The following ITFG1 variants were observed in gnomAD, a reference collection of about 807,000 sequenced individuals.
The protein encoded by ITFG1 is T-cell immunomodulatory protein.
Under a neutral mutation model 81.8 loss-of-function variants are expected in ITFG1, and 34 were observed. The ratio of observed to expected loss-of-function variants is 0.42; its 90% confidence interval spans 0.32 to 0.55. The LOEUF (loss-of-function observed/expected upper bound fraction) is 0.55. Ranked by LOEUF, ITFG1 falls within the 20% of genes least tolerant of loss-of-function variation. ITFG1 has a pLI of 0.17. For missense variants in ITFG1, 672 were observed against 755.4 expected (o/e 0.89, Z 1.29); for synonymous variants, 285 against 270.6 (o/e 1.05, Z -0.52).
At chr16:47,290,010 T>C (rs189866462) in intron 10 of ITFG1, among the ~76,000 whole-genome samples, 1 of 152,292 alleles carries the variant, frequency 6.6e-6, no homozygotes, top group East Asian at 1.9e-4. Flanking sequence ...GGTTTCGGTA[T>C]GCTGTTTTCC....
chr16:47,362,802 T>G (rs2151585813), intron 8 of ITFG1, among the ~76,000 whole-genome samples: 1 of 152,334 alleles, frequency 6.6e-6, no homozygotes, highest in South Asian at 2.1e-4. Context: ...TCTTATATTG[T>G]GGCAGTTACT....
At chr16:47,383,794 C>T (rs1240113259) in intron 6 of ITFG1, among the ~76,000 whole-genome samples, 1 of 152,206 alleles carries the variant, frequency 6.6e-6, no homozygotes, top group African/African-American at 2.4e-5. Flanking sequence ...ATCCCAGCTA[C>T]TCAGGAGGCT....
At chr16:47,332,756 C>T (rs1967652432) in intron 8 of ITFG1, among the ~76,000 whole-genome samples, 1 of 152,112 alleles carries the variant, frequency 6.6e-6, no homozygotes, top group Non-Finnish European at 1.5e-5. Context: ...GTCCTTCAAC[C>T]CATGCAAGCT....
intron 10 of ITFG1, among the ~76,000 whole-genome samples, chr16:47,310,368 C>T (rs1366854099): frequency 6.6e-6 from 1 of 151,804 alleles, no homozygotes; most frequent in Non-Finnish European, 1.5e-5. Context: ...CTAGCGTCAA[C>T]AAATAAATTA....
At chr16:47,399,489 T>C (rs1596957772) in intron 6 of ITFG1, among the ~76,000 whole-genome samples, 1 of 151,614 alleles carries the variant, frequency 6.6e-6, no homozygotes, top group South Asian at 2.1e-4. Context: ...AGGAGAATGG[T>C]GTGAACCCGG....
At chr16:47,214,494 T>C (rs1398190228) in intron 14 of ITFG1, among the ~76,000 whole-genome samples, 2 of 152,174 alleles carry the variant, frequency 1.3e-5, no homozygotes, top group South Asian at 2.1e-4. Context: ...TAAGTTCTTA[T>C]CAAATATTGT....
At chr16:47,449,964 C>G (rs1329481605) in intron 5 of ITFG1, 1 of 152,116 alleles carries the variant, frequency 6.6e-6, no homozygotes, top group Non-Finnish European at 1.5e-5. Flanking sequence ...AAAGATATTC[C>G]AATTATTTCC....
chr16:47,400,116 G>A (rs1056898736), intron 6 of ITFG1, among the ~76,000 whole-genome samples: 1 of 152,144 alleles, frequency 6.6e-6, no homozygotes, highest in Admixed American at 6.5e-5. Flanking sequence ...GGTAGAATCA[G>A]GATTGGCATC....
intron 12 of ITFG1, among the ~76,000 whole-genome samples, chr16:47,242,752 G>C (rs910178270): frequency 2.6e-5 from 4 of 152,106 alleles, no homozygotes; most frequent in African/African-American, 9.7e-5. Context: ...CAATTTCTGT[G>C]AAGGGACATC....
intron 4 of ITFG1, among the ~76,000 whole-genome samples, chr16:47,452,295 C>G (rs1969399305): frequency 1.3e-5 from 2 of 152,006 alleles, no homozygotes; most frequent in African/African-American, 4.8e-5. Context: ...TTATTTAAAT[C>G]AATTATGCTG....
chr16:47,312,026 GC>G (rs1223375745), intron 9 of ITFG1: 1 of 152,112 alleles, frequency 6.6e-6, no homozygotes, highest in African/African-American at 2.4e-5. Context: ...CACTAAAACG[GC>G]CGGAAGCTAC....
intron 5 of ITFG1, among the ~76,000 whole-genome samples, chr16:47,429,155 C>T (rs193296820): frequency 5.3e-5 from 8 of 152,256 alleles, no homozygotes; most frequent in Admixed American, 4.6e-4. Context: ...TATTGGCAAC[C>T]ACAAATCTGC....
At chr16:47,285,649 T>TTG (rs1186524936) in intron 10 of ITFG1, among the ~76,000 whole-genome samples, 1 of 152,096 alleles carries the variant, frequency 6.6e-6, no homozygotes, top group Non-Finnish European at 1.5e-5. Context: ...GTCTGCTGCT[T>TTG]TGTGTGTGGG....
At chr16:47,279,740 T>C (rs867119627) in intron 10 of ITFG1, among the ~76,000 whole-genome samples, 3 of 152,324 alleles carry the variant, frequency 2.0e-5, no homozygotes, top group African/African-American at 7.2e-5. Flanking sequence ...TTTTTGGATG[T>C]TGAGTCTTCC....
rs370340331 is a variant in ITFG1 at position 47,285,560 on chromosome 16, G to C, written c.1071-24865C>G. On this transcript the variant is annotated intron_variant, in intron 10 of 17. Coordinates refer to ENST00000320640, the MANE Select transcript of ITFG1 (RefSeq NM_030790.5). The stretch of plus-strand genomic sequence containing the variant: ...CTAGTGTGTATGTGGCAGTGGTCTT[G>C]GGGATTGAGCCCTTAACCTGTTGGA... Among the ~76,000 whole-genome samples the C allele has an allele frequency of 5.3e-5, 8 of 152,244 alleles. No individual in the cohort carries two copies. The East Asian group carries it at 1.5e-3, about 29-fold the overall frequency.
chr16:47,406,230 G>C (rs1341225804), intron 6 of ITFG1, among the ~76,000 whole-genome samples: 4 of 152,296 alleles, frequency 2.6e-5, no homozygotes, highest in Admixed American at 2.6e-4. Context: ...TAAGGTTGGA[G>C]TGATTTAATT....
chr16:47,327,870 T>C lies in ITFG1; in HGVS notation c.803-14047A>G, dbSNP rs534616588. 2.6e-5 allele frequency among the ~76,000 whole-genome samples: 4 copies of C among 152,310 alleles called. No individual in the cohort carries two copies. The South Asian group carries it at 8.3e-4, about 32-fold the overall frequency. On this transcript the variant is annotated intron_variant, in intron 8 of 17. Coordinates refer to ENST00000320640, the MANE Select transcript of ITFG1 (RefSeq NM_030790.5). ...GGAGAAATAGGAACACTTACACTGT[T>C]GGTGGGACTGTAAACTAGTTCAACC...
At chr16:47,438,353 T>G (rs747923652) in intron 5 of ITFG1, among the ~76,000 whole-genome samples, 33 of 152,202 alleles carry the variant, frequency 2.2e-4, no homozygotes, top group Non-Finnish European at 4.6e-4. Context: ...TCTCCAGGCA[T>G]GCAGCTTGAG....
At chr16:47,423,251 A>ATTTTTT (rs748793229) in intron 6 of ITFG1, among the ~76,000 whole-genome samples, 2 of 118,306 alleles carry the variant, frequency 1.7e-5, no homozygotes, top group Admixed American at 8.5e-5. Context: ...GCAATCCCTG[A>ATTTTTT]TTTTTTTTTT....
Sources: allele counts gnomAD v4.1 joint callset (sites outside exome capture counted in the v4.1 genomes callset), GRCh38; gene constraint gnomAD v4.1.1; transcripts MANE v1.5; gene names NCBI Gene and HGNC (gene_info 2026-07-23, HGNC 2026-07-21).